Variants in TANC2 observed in about 807,000 individuals in gnomAD.
TANC2 encodes the protein tetratricopeptide repeat, ankyrin repeat and coiled-coil containing 2.
TANC2 carries 26 observed loss-of-function variants against 210.5 expected under a neutral mutation model. That is an observed-to-expected ratio of 0.12 (90% confidence interval 0.09 to 0.17). TANC2 has a LOEUF of 0.17. Among genes scored for constraint, TANC2 ranks in the 10% least tolerant of loss-of-function variants. The probability of loss-of-function intolerance (pLI) is 1.00; values close to 1 mark genes in which losing one functional copy is unlikely to be tolerated. For synonymous variants in TANC2, 931 were observed against 967.1 expected (o/e 0.96, Z 0.69); for missense variants, 2,129 against 2,608.9 (o/e 0.82, Z 4.01).
At chr17:63,252,757 G>A (rs1245128582) in intron 8 of TANC2, among the ~76,000 whole-genome samples, 1 of 152,010 alleles carries the variant, frequency 6.6e-6, no homozygotes, top group Non-Finnish European at 1.5e-5. Context: ...ACTTCATTGT[G>A]TGTATGTACC....
chr17:63,410,343 C>G (rs1056733020), intron 21 of TANC2, among the ~76,000 whole-genome samples: 1 of 140,016 alleles, frequency 7.1e-6, no homozygotes, highest in African/African-American at 2.8e-5. Flanking sequence ...CCAATCCCCC[C>G]CCCCCATCTC....
intron 5 of TANC2, among the ~76,000 whole-genome samples, chr17:63,167,884 C>CAAAAAAAAAAAAAAAA (rs760465295): frequency 1.6e-5 from 1 of 63,992 alleles, no homozygotes; most frequent in African/African-American, 6.2e-5. Context: ...GACTCTGTCT[C>CAAAAAAAAAAAAAAAA]AAAAAAAAAA....
chr17:63,078,359 G>C (rs1220887999), intron 3 of TANC2, among the ~76,000 whole-genome samples: 1 of 152,014 alleles, frequency 6.6e-6, no homozygotes, highest in Non-Finnish European at 1.5e-5. Context: ...ATACATCTCA[G>C]AGAATCAGTT....
At chr17:63,123,646 G>A (rs146569268) in intron 4 of TANC2, among the ~76,000 whole-genome samples, 207 of 148,688 alleles carry the variant, frequency 1.4e-3, no homozygotes, top group Non-Finnish European at 2.2e-3. Flanking sequence ...AGTTATACCC[G>A]TAGAGAGTAT....
chr17:63,257,630 G>T (rs2043234601), intron 8 of TANC2, among the ~76,000 whole-genome samples: 1 of 152,168 alleles, frequency 6.6e-6, no homozygotes, highest in Non-Finnish European at 1.5e-5. Flanking sequence ...AAAGTGCTGG[G>T]ATTACAGGTG....
exon 28 of TANC2, chr17:63,422,214 T>G (rs1213361469): frequency 2.4e-6 from 1 of 419,900 alleles, no homozygotes; most frequent in East Asian, 4.4e-5. Context: ...GAGATTTTCG[T>G]GCTGTGTGCT....
chr17:63,142,262 A>G (rs2039315981), intron 4 of TANC2, among the ~76,000 whole-genome samples: 1 of 152,206 alleles, frequency 6.6e-6, no homozygotes. Flanking sequence ...TTAATTACTA[A>G]TTCAGTTTAT....
intron 3 of TANC2, among the ~76,000 whole-genome samples, chr17:63,078,010 G>T (rs1218162961): frequency 6.6e-6 from 1 of 151,966 alleles, no homozygotes; most frequent in African/African-American, 2.4e-5. Context: ...TCAGAATAAT[G>T]CTGGCCTCAT....
At chr17:63,010,524 C>T (rs1221072015) in intron 2 of TANC2, among the ~76,000 whole-genome samples, 1 of 151,550 alleles carries the variant, frequency 6.6e-6, no homozygotes, top group African/African-American at 2.4e-5. Flanking sequence ...ACTGTATGTC[C>T]TACAATTCAA....
intron 4 of TANC2, among the ~76,000 whole-genome samples, chr17:63,142,990 T>C (rs2039340489): frequency 6.6e-6 from 1 of 152,178 alleles, no homozygotes; most frequent in South Asian, 2.1e-4. Context: ...CCTCATTAAG[T>C]TCCTTTAGGC....
intron 17 of TANC2, among the ~76,000 whole-genome samples, chr17:63,394,218 A>C (rs925857522): frequency 2.0e-5 from 3 of 152,186 alleles, no homozygotes; most frequent in Admixed American, 6.5e-5. Flanking sequence ...TGATATTGCT[A>C]TGAAGTCATG....
intron 8 of TANC2, among the ~76,000 whole-genome samples, chr17:63,262,113 A>G (rs905221251): frequency 5.3e-5 from 8 of 152,210 alleles, no homozygotes; most frequent in Non-Finnish European, 8.8e-5. Flanking sequence ...ACACACACAT[A>G]TATAACAAAA....
chr17:63,380,144 A>G (rs1476680136), intron 15 of TANC2, among the ~76,000 whole-genome samples: 1 of 152,252 alleles, frequency 6.6e-6, no homozygotes, highest in Non-Finnish European at 1.5e-5. Flanking sequence ...AATTAGTTGC[A>G]GGTTTTCATG....
intron 5 of TANC2, among the ~76,000 whole-genome samples, chr17:63,183,873 C>T (rs1054974353): frequency 2.6e-5 from 4 of 152,068 alleles, no homozygotes; most frequent in Non-Finnish European, 4.4e-5. Flanking sequence ...AAAAATTAGC[C>T]GGGCGAGGTG....
At chr17:63,040,608 A>G (rs1049571574) in intron 2 of TANC2, among the ~76,000 whole-genome samples, 4 of 152,120 alleles carry the variant, frequency 2.6e-5, no homozygotes, top group African/African-American at 4.8e-5. Context: ...TTTGAGTTGT[A>G]AAAAGAGGGA....
At chr17:63,060,160 C>T (rs1463773502) in intron 2 of TANC2, among the ~76,000 whole-genome samples, 4 of 152,204 alleles carry the variant, frequency 2.6e-5, no homozygotes, top group African/African-American at 9.7e-5. Context: ...CTTTATCCCT[C>T]CTTATATAGA....
intron 8 of TANC2, among the ~76,000 whole-genome samples, chr17:63,255,890 T>G (rs546549484): frequency 3.8e-4 from 57 of 150,714 alleles, no homozygotes; most frequent in African/African-American, 1.3e-3. Context: ...ATTAAGTTGT[T>G]TATTTGACTT....
intron 7 of TANC2, among the ~76,000 whole-genome samples, chr17:63,210,600 T>C (rs1369041406): frequency 6.6e-6 from 1 of 152,222 alleles, no homozygotes; most frequent in East Asian, 1.9e-4. Context: ...AAGAAGTCTT[T>C]ATAGGGATAT....
intron 1 of TANC2, among the ~76,000 whole-genome samples, chr17:62,984,686 T>A (rs941950199): frequency 6.6e-6 from 1 of 152,200 alleles, no homozygotes; most frequent in African/African-American, 2.4e-5. Flanking sequence ...TAAGGAATTT[T>A]AAATTTTAAT....
Sources: gnomAD v4.1 joint callset for allele counts (sites outside exome capture counted in the v4.1 genomes callset) on GRCh38, gnomAD v4.1.1 for gene constraint, MANE v1.5 for transcripts, NCBI Gene and HGNC (gene_info 2026-07-23, HGNC 2026-07-21) for gene names.